Variants in LTBP1 observed in about 807,000 individuals in gnomAD.
LTBP1 encodes latent-transforming growth factor beta-binding protein 1.
LTBP1 carries 129 observed loss-of-function variants against 207.6 expected under a neutral mutation model. The observed-to-expected ratio is 0.62, with a 90% confidence interval of 0.54 to 0.72. LTBP1 has a LOEUF of 0.72. Among genes scored for constraint, LTBP1 ranks in the 30% least tolerant of loss-of-function variants. LTBP1 has a pLI of 0.00. For synonymous variants in LTBP1, 963 were observed against 833.7 expected (o/e 1.16, Z -2.67); for missense variants, 2,281 against 2,217.2 (o/e 1.03, Z -0.58).
chr2:33,038,333 A>G (rs2076024896), intron 3 of LTBP1, among the ~76,000 whole-genome samples: 1 of 152,186 alleles, frequency 6.6e-6, no homozygotes, highest in Non-Finnish European at 1.5e-5. Flanking sequence ...CCCTGCAGAA[A>G]GTTTTAACAC....
chr2:33,304,916 A>C (rs2094060609), intron 22 of LTBP1, among the ~76,000 whole-genome samples: 1 of 152,264 alleles, frequency 6.6e-6, no homozygotes, highest in Admixed American at 6.5e-5. Flanking sequence ...ATATTTATTT[A>C]GTGTGGAGCT....
chr2:33,150,169 C>G (rs984801357), intron 5 of LTBP1, among the ~76,000 whole-genome samples: 1 of 152,122 alleles, frequency 6.6e-6, no homozygotes, highest in East Asian at 1.9e-4. Flanking sequence ...AAGACATTGC[C>G]CTCACCTGCA....
chr2:33,249,994 A>G (rs1279412921), intron 10 of LTBP1, among the ~76,000 whole-genome samples: 2 of 152,336 alleles, frequency 1.3e-5, no homozygotes, highest in African/African-American at 4.8e-5. Flanking sequence ...AACGTAGTAC[A>G]CTAATGTGTT....
At chr2:33,362,122 A>G (rs1008815408) in intron 28 of LTBP1, among the ~76,000 whole-genome samples, 1 of 152,202 alleles carries the variant, frequency 6.6e-6, no homozygotes, top group Non-Finnish European at 1.5e-5. Context: ...ACATGTATGA[A>G]TATTTCCTCA....
chr2:33,300,896 G>A (rs1028080583), intron 21 of LTBP1, among the ~76,000 whole-genome samples: 1 of 152,024 alleles, frequency 6.6e-6, no homozygotes, highest in Non-Finnish European at 1.5e-5. Flanking sequence ...TTATATACTT[G>A]GATTTCAGCA....
Position 33,315,266 on chromosome 2 carries a change from G to A in LTBP1, c.3727G>A (p.Glu1243Lys). 1 of 1,611,766 alleles carries A rather than the reference G, an allele frequency of 6.2e-7. No homozygotes were observed. The highest frequency in any genetic ancestry group is 8.5e-7 in the Non-Finnish European group (1 of 1,179,556). The change falls in exon 24 of 34, where the codon GAA (glutamate) becomes AAA (lysine). Residue 1243 changes from glutamate to lysine, a missense_variant. Physicochemically the swap from Glu to Lys is moderately conservative, Grantham distance 56. Around this residue, in one of 3 missense-constraint regions of LTBP1, gnomAD observed 1,671 missense variants for 1,634.8 expected, o/e 1.02. Coordinates refer to ENST00000404816, the MANE Select transcript of LTBP1 (RefSeq NM_206943.4). ...FSISADGRTC[E>K]DIDECVNNTV... ...AATCTCTGCAGATGGCCGTACGTGT[G>A]AAGGTAAGATAAACCATACGAAATC...
chr2:33,259,765 T>A (rs1340262841), intron 13 of LTBP1, among the ~76,000 whole-genome samples, 155 bp downstream of exon 13: 2 of 152,124 alleles, frequency 1.3e-5, no homozygotes, highest in Admixed American at 6.5e-5. Flanking sequence ...TCCAAAAAAA[T>A]TTATTGAGCC....
At chr2:33,323,213 A>G (rs538447004) in intron 24 of LTBP1, among the ~76,000 whole-genome samples, 41 of 152,358 alleles carry the variant, frequency 2.7e-4, no homozygotes, top group African/African-American at 9.6e-4. Context: ...CTAGTACAAA[A>G]AAAACCCGAT....
chr2:33,201,438 T>G (rs1573141242), intron 7 of LTBP1, among the ~76,000 whole-genome samples: 1 of 120,860 alleles, frequency 8.3e-6, no homozygotes, highest in African/African-American at 3.2e-5. Flanking sequence ...TGAGAACACA[T>G]GGACACAGGA....
chr2:33,093,836 C>T (rs941641751), intron 3 of LTBP1, among the ~76,000 whole-genome samples: 13 of 151,802 alleles, frequency 8.6e-5, no homozygotes, highest in African/African-American at 3.2e-4. Context: ...ATCATCATCT[C>T]AAAACTTGCC....
intron 3 of LTBP1, among the ~76,000 whole-genome samples, chr2:33,052,431 T>C (rs1476861850): frequency 1.3e-5 from 2 of 152,236 alleles, no homozygotes; most frequent in East Asian, 1.9e-4. Flanking sequence ...AATGGGAAAA[T>C]AGGAACCAGA....
At chr2:33,346,538 G>A (rs1408956458) in intron 25 of LTBP1, among the ~76,000 whole-genome samples, 1 of 151,922 alleles carries the variant, frequency 6.6e-6, no homozygotes, top group Non-Finnish European at 1.5e-5. Context: ...ACAAAAATTA[G>A]CCATGCATGG....
intron 3 of LTBP1, among the ~76,000 whole-genome samples, chr2:33,051,600 A>C (rs2076747437): frequency 6.6e-6 from 1 of 152,096 alleles, no homozygotes; most frequent in Non-Finnish European, 1.5e-5. Flanking sequence ...ATGGCCCCGG[A>C]GTGCCATTCA....
intron 5 of LTBP1, among the ~76,000 whole-genome samples, chr2:33,139,599 G>A (rs1558690743): frequency 6.6e-6 from 1 of 152,172 alleles, no homozygotes; most frequent in Non-Finnish European, 1.5e-5. Flanking sequence ...CCTAGAAAGC[G>A]TGTTGTATCA....
chr2:33,222,194 T>C (rs1553459030), intron 9 of LTBP1, 43 bp downstream of exon 9: 2 of 1,479,328 alleles, frequency 1.4e-6, no homozygotes, highest in Non-Finnish European at 1.9e-6. Context: ...AACAGTTGTT[T>C]TGGCTTTTTA....
At chr2:33,223,278 G>A (rs573370903) in intron 9 of LTBP1, among the ~76,000 whole-genome samples, 5 of 152,320 alleles carry the variant, frequency 3.3e-5, no homozygotes, top group African/African-American at 7.2e-5. Flanking sequence ...TAGTGCATCT[G>A]TGTAACTTTT....
At chr2:32,995,131 C>T (rs1377246168) in intron 2 of LTBP1, among the ~76,000 whole-genome samples, 3 of 151,730 alleles carry the variant, frequency 2.0e-5, no homozygotes, top group Non-Finnish European at 4.4e-5. Flanking sequence ...CTGCAGTGAG[C>T]TATGATCACA....
chr2:33,101,637 G>A (rs2079746906), intron 3 of LTBP1, among the ~76,000 whole-genome samples: 1 of 152,164 alleles, frequency 6.6e-6, no homozygotes, highest in South Asian at 2.1e-4. Flanking sequence ...AATAGGCTAG[G>A]AGCCTTAATT....
intron 26 of LTBP1, among the ~76,000 whole-genome samples, chr2:33,348,302 C>A (rs1182299570): frequency 6.6e-6 from 1 of 152,158 alleles, no homozygotes; most frequent in Non-Finnish European, 1.5e-5. Flanking sequence ...AAATAGCTAT[C>A]TTTGCAAGTA....
Sources: gnomAD v4.1 joint callset for allele counts (sites outside exome capture counted in the v4.1 genomes callset) on GRCh38, gnomAD v4.1.1 for gene constraint, gnomAD v4.1.1 regional missense constraint, MANE v1.5 for transcripts, NCBI Gene and HGNC (gene_info 2026-07-23, HGNC 2026-07-21) for gene names.